Variants in DNMT3A observed in about 807,000 individuals in gnomAD.
The protein encoded by DNMT3A is DNA (cytosine-5)-methyltransferase 3A.
DNMT3A carries 267 observed loss-of-function variants against 117.6 expected under a neutral mutation model. The observed-to-expected ratio is 2.27, with a 90% CI of 2.05 to 2.51. The LOEUF (loss-of-function observed/expected upper bound fraction) is 2.51. Ranked by LOEUF, DNMT3A falls within the 30% of genes most tolerant of loss-of-function variation. The pLI is 0.00. For missense variants in DNMT3A, 1,029 were observed against 1,260.2 expected (o/e 0.82, Z 2.78); for synonymous variants, 432 against 474.8 (o/e 0.91, Z 1.17).
intron 6 of DNMT3A, among the ~76,000 whole-genome samples, chr2:25,260,841 G>T (rs552820232): frequency 1.3e-5 from 2 of 152,128 alleles, no homozygotes; most frequent in Non-Finnish European, 2.9e-5. Context: ...GTCAGAAAGG[G>T]CTCCACAGAG....
chr2:25,259,670 G>A (rs1217091847), intron 6 of DNMT3A, among the ~76,000 whole-genome samples: 1 of 152,094 alleles, frequency 6.6e-6, no homozygotes, highest in South Asian at 2.1e-4. Context: ...GGGGGGTGTG[G>A]CCAAAAGGAA....
chr2:25,237,210 C>A lies in DNMT3A; in HGVS notation c.2409-205G>T, dbSNP rs1323087092. ...ACTGCAGCCATGCAAAGACACAAAT[C>A]CACCAAGCGTTAATCCTTAAAGGTA... On this transcript the variant is annotated intron_variant, in intron 20 of 22. Transcript: ENST00000321117. The surrounding 1 kb of genome is among the most constrained non-coding windows in gnomAD (Gnocchi z 5.4). Among the ~76,000 whole-genome samples, 2 of 152,224 alleles carry A rather than the reference C, an allele frequency of 1.3e-5. No homozygotes were observed. Among genetic ancestry groups the A allele is most frequent in the African/African-American group, 2.4e-5 (1 of 41,452 alleles).
rs2032896536 is a variant in DNMT3A at position 25,293,287 on chromosome 2, G to GC, written c.177+6851dup. On this transcript the variant is annotated intron_variant, in intron 3 of 22. Transcript: ENST00000321117. The surrounding 1 kb of genome is among the most constrained non-coding windows in gnomAD (Gnocchi z 4.7). ...GCCCTGGGACTTTGCTGGCGCCCCT[G>GC]CCCCCTCCCCTCTCCCAGCATGTGC... Among the ~76,000 whole-genome samples the GC allele has an allele frequency of 6.6e-6, 1 of 151,920 alleles. No individual in the cohort carries two copies. Among genetic ancestry groups the GC allele is most frequent in the African/African-American group, 2.4e-5 (1 of 41,332 alleles).
In DNMT3A at chr2:25,247,222, T is replaced by C. The variant is rs1674925712; in HGVS notation, c.1015-64A>G. 4 of 1,526,674 alleles carry C rather than the reference T, an allele frequency of 2.6e-6. No homozygotes were observed. The highest frequency in any genetic ancestry group is 2.7e-6 in the Non-Finnish European group (3 of 1,111,068). 94.6% of individuals were successfully genotyped at this position (1,526,674 alleles called of 1,614,324 possible). A position where few individuals can be genotyped will look rare whatever the true frequency, so the allele number is the denominator to read the frequency against. On this transcript the variant is annotated intron_variant, in intron 8 of 22. Transcript: ENST00000321117. This position sits in a 1 kb window ranked among gnomAD's most constrained non-coding sequence, Gnocchi z 5.6. ...ACTTGCAAGCACCCACCCCATGCCTTGCAACTGGCAGGGGCTGGGAGCCTC... is the reference window on the plus strand; with the variant it reads ...ACTTGCAAGCACCCACCCCATGCCTCGCAACTGGCAGGGGCTGGGAGCCTC...
chr2:25,280,339 C>A (rs867126098), intron 4 of DNMT3A, among the ~76,000 whole-genome samples: 15 of 136,274 alleles, frequency 1.1e-4, no homozygotes, highest in Non-Finnish European at 2.2e-4. Flanking sequence ...CCCCCCACCC[C>A]GGCAGCCACC....
intron 4 of DNMT3A, among the ~76,000 whole-genome samples, chr2:25,279,109 T>C (rs1170762035): frequency 6.6e-6 from 1 of 152,148 alleles, no homozygotes; most frequent in African/African-American, 2.4e-5. Flanking sequence ...ACCTGAATCA[T>C]CATCATTATG....
At chr2:25,275,573 T>G (rs1371191565) in intron 4 of DNMT3A, 30 bp from the exon 5 acceptor site, 1 of 1,552,330 alleles carries the variant, frequency 6.4e-7, no homozygotes, top group Admixed American at 2.2e-5. Flanking sequence ...AAGGGACCAG[T>G]TCGTTGGTCG....
chr2:25,247,515 C>T lies in DNMT3A; in HGVS notation c.1014+76G>A, dbSNP rs1363598083. 7.4e-5 allele frequency: 116 copies of T among 1,570,658 alleles called. No individual in the cohort carries two copies. Among genetic ancestry groups the T allele is most frequent in the Middle Eastern group, 1.7e-4 (1 of 5,846 alleles). On this transcript the variant is annotated intron_variant, in intron 8 of 22. Transcript: ENST00000321117. This position sits in a 1 kb window ranked among gnomAD's most constrained non-coding sequence, Gnocchi z 5.6. ...CTTCCATCACCCCAATTCCAGACTG[C>T]CCCCAGCCAAAACCACAGGCCCTGG...
intron 1 of DNMT3A, among the ~76,000 whole-genome samples, chr2:25,326,277 A>G (rs866330992): frequency 2.0e-5 from 3 of 152,118 alleles, no homozygotes; most frequent in South Asian, 2.1e-4. Flanking sequence ...TGAGACTGTG[A>G]CTGACTTTGA....
At chr2:25,319,804 C>G (rs1340968957) in intron 1 of DNMT3A, among the ~76,000 whole-genome samples, 1 of 149,826 alleles carries the variant, frequency 6.7e-6, no homozygotes, top group Non-Finnish European at 1.5e-5. Flanking sequence ...GACCCTTGCT[C>G]TCTAGCCCAG....
Position 25,294,362 on chromosome 2 carries a change from G to A in DNMT3A, c.177+5777C>T, listed in dbSNP as rs1299190170. Reference sequence around the variant, plus strand: ...AACCATAGGCTCTACCTCACAAGCAGTGTGTCGGCCTGTCTTCCTCATGCC... The same window carrying A: ...AACCATAGGCTCTACCTCACAAGCAATGTGTCGGCCTGTCTTCCTCATGCC... On this transcript the variant is annotated intron_variant, in intron 3 of 22. Coordinates refer to ENST00000321117, the MANE Select transcript of DNMT3A (RefSeq NM_022552.5). The surrounding 1 kb of genome is among the most constrained non-coding windows in gnomAD (Gnocchi z 4.7). 6.6e-6 allele frequency among the ~76,000 whole-genome samples: 1 copy of A among 152,140 alleles called. No homozygotes were observed. Among genetic ancestry groups the A allele is most frequent in the Non-Finnish European group, 1.5e-5 (1 of 68,038 alleles).
At chr2:25,301,740 C>G (rs1323825032) in intron 2 of DNMT3A, among the ~76,000 whole-genome samples, 2 of 152,168 alleles carry the variant, frequency 1.3e-5, no homozygotes, top group Admixed American at 6.5e-5. Context: ...CCACAGGCTG[C>G]TCTTCATACC....
At position 25,247,666 on chromosome 2, in the gene DNMT3A, C is replaced by A; in HGVS notation, c.939G>T (p.Trp313Cys). Residue 313 changes from tryptophan (W) to cysteine (C), a missense_variant, in exon 8 of 23, where the codon TGG (tryptophan) becomes TGT (cysteine). Trp to Cys is a radical substitution (Grantham distance 215). Coordinates refer to ENST00000321117, the MANE Select transcript of DNMT3A (RefSeq NM_022552.5). This position sits in a 1 kb window ranked among gnomAD's most constrained non-coding sequence, Gnocchi z 5.6. Reference protein sequence around the residue: ...FSWWPGRIVSWWMTGRSRAAE... With the variant: ...FSWWPGRIVSCWMTGRSRAAE... ...CTGCTCGGCTCCGGCCCGTCATCCA[C>A]CAAGACACAATGCGGCCTGGCCACC... 1 of 1,614,046 alleles carries A rather than the reference C, an allele frequency of 6.2e-7. No homozygotes were observed. The highest frequency in any genetic ancestry group is 8.5e-7 in the Non-Finnish European group (1 of 1,180,008).
chr2:25,282,263 A>C lies in DNMT3A; in HGVS notation c.448+178T>G, dbSNP rs372809463. The C allele has an allele frequency of 1.4e-6, 2 of 1,396,410 alleles. No homozygotes were observed. The highest frequency in any genetic ancestry group is 2.8e-5 in the East Asian group (1 of 36,176). 86.5% of individuals were successfully genotyped at this position (1,396,410 alleles called of 1,614,324 possible). A position where few individuals can be genotyped will look rare whatever the true frequency, so the allele number is the denominator to read the frequency against. ...AATGTTTAAAACACTCTATGGGCCAAATAAAACATATGCGCAGGCTGCATC... is the reference window on the plus strand; with the variant it reads ...AATGTTTAAAACACTCTATGGGCCACATAAAACATATGCGCAGGCTGCATC... On this transcript the variant is annotated intron_variant, in intron 4 of 22. Coordinates refer to ENST00000321117, the MANE Select transcript of DNMT3A (RefSeq NM_022552.5). The surrounding 1 kb of genome is among the most constrained non-coding windows in gnomAD (Gnocchi z 5.2).
chr2:25,247,247 C>T lies in DNMT3A; in HGVS notation c.1015-89G>A. The T allele has an allele frequency of 9.8e-6, 13 of 1,331,750 alleles. No individual in the cohort carries two copies. Among genetic ancestry groups the T allele is most frequent in the East Asian group, 4.9e-5 (2 of 40,584 alleles). The allele number at this position is 1,331,750 out of a possible 1,614,324, so 82.5% of individuals were successfully genotyped here. ...TGCAACTGGCAGGGGCTGGGAGCCT[C>T]GAGAGTCAGTCTCAGCCCTGGAGGG... is the stretch of plus-strand genomic sequence containing the variant. On this transcript the variant is annotated intron_variant, in intron 8 of 22. Transcript: ENST00000321117. This position sits in a 1 kb window ranked among gnomAD's most constrained non-coding sequence, Gnocchi z 5.6.
chr2:25,300,707 AATATAATATATATATATATATAT>A (rs1355014040), intron 2 of DNMT3A, among the ~76,000 whole-genome samples: 3 of 57,866 alleles, frequency 5.2e-5, no homozygotes, highest in African/African-American at 2.1e-4. Flanking sequence ...ATATCTAAAT[AATATAATATATATATATATATAT>A]ATATATATAT....
Position 25,247,495 on chromosome 2 carries a change from A to G in DNMT3A, c.1014+96T>C. 4.6e-6 allele frequency: 7 copies of G among 1,533,186 alleles called. No homozygotes were observed. In the South Asian group the frequency reaches 6.2e-5, roughly 14 times the overall value. The allele number at this position is 1,533,186 out of a possible 1,614,324, so 95.0% of individuals were successfully genotyped here. A position where few individuals can be genotyped will look rare whatever the true frequency, so the allele number is the denominator to read the frequency against. On this transcript the variant is annotated intron_variant, in intron 8 of 22. Coordinates refer to ENST00000321117, the MANE Select transcript of DNMT3A (RefSeq NM_022552.5). This position sits in a 1 kb window ranked among gnomAD's most constrained non-coding sequence, Gnocchi z 5.6. ...GTAGGGGTGAGCAGAACCCACTTCC[A>G]TCACCCCAATTCCAGACTGCCCCCA...
At position 25,248,051 on chromosome 2, in the gene DNMT3A, C is replaced by A. The variant is rs773312511; in HGVS notation, c.841G>T (p.Glu281Ter). 3 of 1,612,060 alleles carry A rather than the reference C, an allele frequency of 1.9e-6. No homozygotes were observed. Among genetic ancestry groups the A allele is most frequent in the Non-Finnish European group, 1.7e-6 (2 of 1,179,952 alleles). Residue 281 changes from glutamate (E) to a stop codon, truncating the protein, a stop_gained, in exon 7 of 23, where the codon GAG (glutamate) becomes TAG (stop). Coordinates refer to ENST00000321117, the MANE Select transcript of DNMT3A (RefSeq NM_022552.5). LOFTEE classifies it high-confidence loss of function. The part of the protein sequence containing the change: ...DKNATKAGDD[E>*]PEYEDGRGFG... ...AAGCCGCTCACCTCGTACTCTGGCT[C>A]GTCATCGCCTGCTTTGGTGGCATTC...
chr2:25,324,107 G>A (rs537144742), intron 1 of DNMT3A, among the ~76,000 whole-genome samples: 1 of 152,336 alleles, frequency 6.6e-6, no homozygotes, highest in East Asian at 1.9e-4. Context: ...TCTGCAGTGG[G>A]AGCGGGGAAG....
Sources: gnomAD v4.1 joint callset for allele counts (sites outside exome capture counted in the v4.1 genomes callset) on GRCh38, gnomAD v4.1.1 for gene constraint, Gnocchi (gnomAD v3.1) non-coding constraint, MANE v1.5 for transcripts, NCBI Gene and HGNC (gene_info 2026-07-23, HGNC 2026-07-21) for gene names.